Variants in URGCP observed in about 807,000 individuals in gnomAD.
URGCP encodes the protein upregulator of cell proliferation.
In URGCP, 13 loss-of-function variants were observed where a neutral mutation model predicts 24.6. The ratio of observed to expected loss-of-function variants is 0.53; its 90% CI spans 0.34 to 0.84. The LOEUF is 0.84. URGCP is among the 40% of genes least tolerant of loss of function. The pLI, the probability that URGCP is intolerant of heterozygous loss-of-function variation, is 0.01. For synonymous variants in URGCP, 444 were observed against 487.2 expected (o/e 0.91, Z 1.17); for missense variants, 899 against 1,194.3 (o/e 0.75, Z 3.64).
upstream of URGCP, among the ~76,000 whole-genome samples, chr7:43,911,478 C>G (rs1183346548): frequency 2.6e-5 from 4 of 151,564 alleles, no homozygotes; most frequent in African/African-American, 9.7e-5. Flanking sequence ...GGTGGATCAC[C>G]TGAGGTCAGG....
intron 1 of URGCP, chr7:43,919,048 T>C: frequency 9.5e-7 from 1 of 1,054,308 alleles, no homozygotes; most frequent in Non-Finnish European, 1.5e-6. Flanking sequence ...CATGAGGACA[T>C]TTTTAACATC....
chr7:43,881,747 T>C, intron 4 of URGCP, 50 bp from the exon 5 acceptor site: 1 of 1,613,668 alleles, frequency 6.2e-7, no homozygotes, highest in Non-Finnish European at 8.5e-7. Context: ...AATGCACCCT[T>C]GGCTGACACA....
intron 1 of URGCP, among the ~76,000 whole-genome samples, chr7:43,897,758 T>C (rs994757702): frequency 6.6e-6 from 1 of 152,078 alleles, no homozygotes; most frequent in African/African-American, 2.4e-5. Context: ...TCTAGCCTTA[T>C]ATTCAGGAAA....
Position 43,898,079 on chromosome 7 carries a change from T to C in URGCP, c.14+8483A>G, listed in dbSNP as rs922628387. 1.3e-5 allele frequency among the ~76,000 whole-genome samples: 2 copies of C among 152,108 alleles called. 1 individual carries two copies. Among genetic ancestry groups the C allele is most frequent in the South Asian group, 4.1e-4 (2 of 4,822 alleles). On this transcript the variant is annotated intron_variant, in intron 1 of 5. Coordinates refer to ENST00000453200, the MANE Select transcript of URGCP (RefSeq NM_001077663.3). ...TTGGAGAGCTAATAAAGGCAATCCT[T>C]CAACGCGTATAGGAGAGACCACTGT...
Position 43,878,846 on chromosome 7 carries a change from A to AT in URGCP, c.616dup (p.Met206AsnfsTer14). The stretch of plus-strand genomic sequence containing the variant: ...TGGGAGTGCAAACTGGCAGAGGGCC[A>AT]TTTTCAACGCTATTTCTTGTTGCAG... On this transcript the variant is annotated frameshift_variant, in exon 6 of 6. Coordinates refer to ENST00000453200, the MANE Select transcript of URGCP (RefSeq NM_001077663.3). LOFTEE classifies it low-confidence loss of function (END_TRUNC). The surrounding 1 kb of genome is among the most constrained non-coding windows in gnomAD (Gnocchi z 5.6). The AT allele has an allele frequency of 6.2e-7, 1 of 1,614,138 alleles. No homozygotes were observed. Among genetic ancestry groups the AT allele is most frequent in the Non-Finnish European group, 8.5e-7 (1 of 1,179,992 alleles).
At chr7:43,923,579 C>G (rs2095925213) in intron 1 of URGCP, among the ~76,000 whole-genome samples, 1 of 152,196 alleles carries the variant, frequency 6.6e-6, no homozygotes, top group Non-Finnish European at 1.5e-5. Context: ...TGAGCCACCA[C>G]ACCCAGCCTG....
chr7:43,919,644 T>A, intron 1 of URGCP: 2 of 1,375,332 alleles, frequency 1.5e-6, no homozygotes, highest in Non-Finnish European at 2.1e-6. Context: ...GACCAACCAC[T>A]CCTACATCAC....
chr7:43,903,591 T>C (rs1055566438), intron 1 of URGCP, among the ~76,000 whole-genome samples: 2 of 152,194 alleles, frequency 1.3e-5, no homozygotes, highest in Non-Finnish European at 2.9e-5. Flanking sequence ...AGGAGCTGTA[T>C]CTAGTGTAGT....
At chr7:43,920,157 C>A (rs1250746754) in intron 1 of URGCP, 4 of 627,186 alleles carry the variant, frequency 6.4e-6, no homozygotes, top group Non-Finnish European at 1.1e-5. Flanking sequence ...CCTCACACAT[C>A]TCTTTCTCAT....
At chr7:43,902,042 T>C (rs1259154050) in intron 1 of URGCP, among the ~76,000 whole-genome samples, 1 of 146,608 alleles carries the variant, frequency 6.8e-6, no homozygotes, top group African/African-American at 2.6e-5. Context: ...AGGAGGTCAC[T>C]GGGGAGGAGA....
intron 1 of URGCP, among the ~76,000 whole-genome samples, chr7:43,900,717 C>T (rs1289342098): frequency 6.6e-6 from 1 of 152,120 alleles, no homozygotes; most frequent in Non-Finnish European, 1.5e-5. Flanking sequence ...TCCCAAAGTG[C>T]TGGGATTACA....
At chr7:43,896,092 C>T (rs1284849527) in intron 1 of URGCP, among the ~76,000 whole-genome samples, 2 of 152,104 alleles carry the variant, frequency 1.3e-5, no homozygotes, top group Non-Finnish European at 2.9e-5. Flanking sequence ...ATTGCATGTT[C>T]TCATTCACAG....
At chr7:43,902,695 G>A (rs2095893541) in intron 1 of URGCP, among the ~76,000 whole-genome samples, 1 of 152,206 alleles carries the variant, frequency 6.6e-6, no homozygotes, top group South Asian at 2.1e-4. Flanking sequence ...CATCAGGCAG[G>A]CAAAACTTTT....
chr7:43,879,349 T>A (rs1387511176), intron 5 of URGCP, 89 bp from the exon 6 acceptor site: 1 of 1,456,862 alleles, frequency 6.9e-7, no homozygotes, highest in African/African-American at 1.4e-5. Flanking sequence ...CCCAGCAGGA[T>A]GGGGAGAGTG....
intron 1 of URGCP, among the ~76,000 whole-genome samples, chr7:43,890,744 C>T (rs1296506604): frequency 6.6e-6 from 1 of 152,190 alleles, no homozygotes; most frequent in African/African-American, 2.4e-5. Flanking sequence ...GTCCACAGCT[C>T]CTTCTCACTA....
intron 2 of URGCP, 66 bp from the exon 3 acceptor site, chr7:43,887,551 G>A: frequency 4.4e-6 from 7 of 1,575,224 alleles, no homozygotes; most frequent in Non-Finnish European, 6.0e-6. Flanking sequence ...TATCAAACTG[G>A]CCGCATATAA....
At chr7:43,890,049 C>G (rs2095868194) in intron 1 of URGCP, among the ~76,000 whole-genome samples, 1 of 151,654 alleles carries the variant, frequency 6.6e-6, no homozygotes, top group Non-Finnish European at 1.5e-5. Flanking sequence ...GGATTACAGG[C>G]ATGCGCCACC....
In URGCP at chr7:43,877,982, A is replaced by G. The variant is rs1377735909; in HGVS notation, c.1481T>C (p.Leu494Pro). The change falls in exon 6 of 6, where the codon CTG (leucine) becomes CCG (proline). Residue 494 changes from leucine (L) to proline (P), a missense_variant. Physicochemically the swap from Leu to Pro is moderately conservative, Grantham distance 98. Transcript: ENST00000453200. ...KDSDAYRRDE[L>P]RLQGDPWRKA... is the part of the protein sequence containing the mutation. ...TCTCCAGGGGTCCCCCTGCAGCCTC[A>G]GCTCGTCCCTTCTGTAGGCATCCGA... The G allele has an allele frequency of 6.2e-7, 1 of 1,614,218 alleles. No individual in the cohort carries two copies. Among genetic ancestry groups the G allele is most frequent in the South Asian group, 1.1e-5 (1 of 91,090 alleles).
chr7:43,892,631 C>T (rs1306180595), intron 1 of URGCP, among the ~76,000 whole-genome samples: 1 of 151,928 alleles, frequency 6.6e-6, no homozygotes, highest in Non-Finnish European at 1.5e-5. Flanking sequence ...CTCATTTTAA[C>T]TAATCACATA....
Sources: allele counts gnomAD v4.1 joint callset (sites outside exome capture counted in the v4.1 genomes callset), GRCh38; gene constraint gnomAD v4.1.1; non-coding constraint Gnocchi (gnomAD v3.1); transcripts MANE v1.5; gene names NCBI Gene and HGNC (gene_info 2026-07-23, HGNC 2026-07-21).